The following PPP2R1B variants were observed in gnomAD, a reference collection of about 807,000 sequenced individuals.
The protein encoded by PPP2R1B is protein phosphatase 2 scaffold subunit Abeta.
PPP2R1B carries 58 observed loss-of-function variants against 72.7 expected under a neutral mutation model. That is an observed-to-expected ratio of 0.80 (90% CI 0.65 to 0.99). PPP2R1B has a LOEUF of 0.99. Among genes scored for constraint, PPP2R1B ranks in the 50% least tolerant of loss-of-function variants. The pLI is 0.00. For synonymous variants in PPP2R1B, 256 were observed against 264.6 expected (o/e 0.97, Z 0.32); for missense variants, 695 against 733.6 (o/e 0.95, Z 0.61).
At chr11:111,715,052 T>TACTGTA in the PPP2R1B span, among the ~76,000 whole-genome samples, 1 of 152,338 alleles carries the variant, frequency 6.6e-6, no homozygotes, top group South Asian at 2.1e-4. Flanking sequence ...TTGTGATTGT[T>TACTGTA]ACTGTAACCA....
chr11:111,765,429 T>C, intron 1 of PPP2R1B, 45 bp from the exon 2 acceptor site: 1 of 1,478,452 alleles, frequency 6.8e-7, no homozygotes, highest in Non-Finnish European at 9.4e-7. Context: ...AAGAAACGGC[T>C]GAATTTAGAT....
chr11:111,728,509 G>C (rs952488867), intron 15 of PPP2R1B: 2 of 152,154 alleles, frequency 1.3e-5, no homozygotes, highest in African/African-American at 4.8e-5. Context: ...GGCTGATCTT[G>C]AACTCCTGAC....
intron 4 of PPP2R1B, 107 bp downstream of exon 4, chr11:111,760,712 C>G: frequency 1.0e-6 from 1 of 957,694 alleles, no homozygotes; most frequent in South Asian, 1.5e-5. Context: ...TCATTGGTAA[C>G]AAGGTACTAT....
the PPP2R1B span, among the ~76,000 whole-genome samples, chr11:111,702,922 A>AGTGT: frequency 7.3e-5 from 1 of 13,644 alleles, no homozygotes; most frequent in African/African-American, 9.2e-5. Flanking sequence ...TGGAAACCAA[A>AGTGT]GTCTGTTTCT....
the PPP2R1B span, among the ~76,000 whole-genome samples, chr11:111,705,509 G>A: frequency 3.3e-5 from 5 of 152,044 alleles, no homozygotes; most frequent in South Asian, 4.2e-4. The surrounding 1 kb of genome is among the most constrained non-coding windows in gnomAD (Gnocchi z 4.3). Context: ...GAGACATCGC[G>A]CTATAAAAAT....
downstream of PPP2R1B, chr11:111,723,966 A>G (rs1366193372): frequency 2.5e-6 from 4 of 1,614,140 alleles, no homozygotes; most frequent in South Asian, 4.4e-5. Flanking sequence ...GATGGAGCCC[A>G]GCAGAGCGAC....
At chr11:111,703,170 C>T in the PPP2R1B span, 1 of 1,599,694 alleles carries the variant, frequency 6.3e-7, no homozygotes, top group Non-Finnish European at 8.6e-7. Flanking sequence ...CAAGGTGATT[C>T]TTGTGACTTT....
chr11:111,714,921 T>C, the PPP2R1B span, among the ~76,000 whole-genome samples: 1 of 152,218 alleles, frequency 6.6e-6, no homozygotes, highest in African/African-American at 2.4e-5. Flanking sequence ...ATTTTAAAGA[T>C]GTAATTCCCT....
At chr11:111,743,275 T>A in intron 12 of PPP2R1B, 101 bp downstream of exon 12, 1 of 1,181,326 alleles carries the variant, frequency 8.5e-7, no homozygotes, top group Non-Finnish European at 1.2e-6. Context: ...ATACAAGACA[T>A]ATATTCCAAA....
downstream of PPP2R1B, chr11:111,737,612 G>T: frequency 6.2e-7 from 1 of 1,612,516 alleles, no homozygotes; most frequent in Non-Finnish European, 8.5e-7. Context: ...CCTGACCAGG[G>T]CACATCCCTC....
chr11:111,735,071 C>T (rs897887227), downstream of PPP2R1B, among the ~76,000 whole-genome samples: 7 of 152,140 alleles, frequency 4.6e-5, no homozygotes, highest in South Asian at 1.5e-3. Flanking sequence ...GAAAATAAGG[C>T]AGGCAGGAAA....
At chr11:111,765,683 G>T in intron 1 of PPP2R1B, 1 of 508,508 alleles carries the variant, frequency 2.0e-6, no homozygotes, top group Non-Finnish European at 3.8e-6. Context: ...CACTTTGGCA[G>T]TGGTGAAGCA....
At chr11:111,763,064 T>C (rs1945386367) in intron 3 of PPP2R1B, among the ~76,000 whole-genome samples, 1 of 151,972 alleles carries the variant, frequency 6.6e-6, no homozygotes, top group Non-Finnish European at 1.5e-5. Flanking sequence ...AGGAGTAGGA[T>C]GATGTAGTAA....
Position 111,753,446 on chromosome 11 carries a change from A to G in PPP2R1B, c.1161T>C (p.Asp387=), listed in dbSNP as rs1944986731. 1 of 1,612,024 alleles carries G rather than the reference A, an allele frequency of 6.2e-7. No homozygotes were observed. Among genetic ancestry groups the G allele is most frequent in the African/African-American group, 1.3e-5 (1 of 74,832 alleles). The change falls in exon 9 of 15, where the codon GAT becomes GAC. Residue 387 remains aspartate (D), a synonymous_variant. Transcript: ENST00000527614. ...LLPLFLAQLK[D]ECPDVRLNII... ...CAGAACATAAAGCAAGACCCACCTC[A>G]TCCTTTAACTGAGCTAAGAAAAGAG... is the stretch of plus-strand genomic sequence containing the variant.
Position 111,740,148 on chromosome 11 carries a change from G to A in PPP2R1B, c.*1448C>T. ...CAAACCTCATAGCAAGATGCACTGA[G>A]AGAAAAATAAACTATGGGAAAACCC... On this transcript the variant is annotated 3_prime_UTR_variant, in exon 15 of 15. Coordinates refer to ENST00000527614, the MANE Select transcript of PPP2R1B (RefSeq NM_002716.5). 1 of 985,220 alleles carries A rather than the reference G, an allele frequency of 1.0e-6. No individual in the cohort carries two copies. The highest frequency in any genetic ancestry group is 1.2e-6 in the Non-Finnish European group (1 of 829,806). The allele number at this position is 985,220 out of a possible 1,614,324, so 61.0% of individuals were successfully genotyped here.
the PPP2R1B span, chr11:111,712,439 A>G: frequency 1.3e-6 from 2 of 1,521,278 alleles, no homozygotes; most frequent in African/African-American, 2.8e-5. Flanking sequence ...TTGGTCCACA[A>G]GTGTTGTACT....
rs1555050707 is a variant in PPP2R1B at position 111,759,816 on chromosome 11, A to G, written c.675T>C (p.Ala225=). The G allele has an allele frequency of 6.2e-7, 1 of 1,612,928 alleles. No homozygotes were observed. Among genetic ancestry groups the G allele is most frequent in the Admixed American group, 1.7e-5 (1 of 59,942 alleles). Residue 225 remains alanine (A), a synonymous_variant, in exon 5 of 15, where the codon GCT becomes GCC. Transcript: ENST00000527614. ...AGAGTTAGTTTACCTGTTCATCTGA[A>G]GCTAGACTAGTGAACAGTGGAACAA... The part of the protein sequence containing the change: ...SEIVPLFTSL[A]SDEQDSVRLL...
At chr11:111,719,037 A>G in the PPP2R1B span, among the ~76,000 whole-genome samples, 1 of 152,238 alleles carries the variant, frequency 6.6e-6, no homozygotes, top group Non-Finnish European at 1.5e-5. Context: ...GATAGGAACC[A>G]TCGATAACGT....
intron 5 of PPP2R1B, among the ~76,000 whole-genome samples, chr11:111,758,183 C>T (rs1399419903): frequency 6.6e-6 from 1 of 152,160 alleles, no homozygotes; most frequent in Admixed American, 6.5e-5. Context: ...GTTAATTTCA[C>T]CTATTTCTTT....
Sources: gnomAD v4.1 joint callset for allele counts (sites outside exome capture counted in the v4.1 genomes callset) on GRCh38, gnomAD v4.1.1 for gene constraint, Gnocchi (gnomAD v3.1) non-coding constraint, MANE v1.5 for transcripts, NCBI Gene and HGNC (gene_info 2026-07-23, HGNC 2026-07-21) for gene names.